TAF3: variants seen among roughly 807,000 people sequenced by gnomAD.
TAF3 encodes transcription initiation factor TFIID subunit 3.
Under a neutral mutation model 80.6 loss-of-function variants are expected in TAF3, and 7 were observed. The observed-to-expected ratio is 0.09, with a 90% CI of 0.05 to 0.16. The LOEUF (loss-of-function observed/expected upper bound fraction) is 0.16, where lower values mean the gene tolerates loss of function less well. TAF3 is among the 10% of genes least tolerant of loss of function. The pLI, the probability that TAF3 is intolerant of heterozygous loss-of-function variation, is 1.00. For missense variants in TAF3, 921 were observed against 1,140.2 expected (o/e 0.81, Z 2.77); for synonymous variants, 444 against 446.1 (o/e 1.00, Z 0.06).
In TAF3 at chr10:7,964,821, C is replaced by T; in HGVS notation, c.1311C>T (p.Ser437=). ...SGPECTTPKA[S]TSANNFTKSG... Reference sequence around the variant, plus strand: ...CGGAGTGTACTACTCCCAAAGCTTCCACTTCCGCGAACAATTTCACAAAGT... The same window carrying T: ...CGGAGTGTACTACTCCCAAAGCTTCTACTTCCGCGAACAATTTCACAAAGT... The change falls in exon 3 of 7, where the codon TCC becomes TCT. Residue 437 remains serine (S), a synonymous_variant. Transcript: ENST00000344293. This position sits in a 1 kb window ranked among gnomAD's most constrained non-coding sequence, Gnocchi z 4.1. The T allele has an allele frequency of 6.2e-7, 1 of 1,614,172 alleles. No homozygotes were observed. Among genetic ancestry groups the T allele is most frequent in the Non-Finnish European group, 8.5e-7 (1 of 1,180,038 alleles).
intron 2 of TAF3, among the ~76,000 whole-genome samples, chr10:7,856,681 G>A (rs529023746): frequency 3.9e-5 from 6 of 152,034 alleles, no homozygotes; most frequent in Admixed American, 1.3e-4. Flanking sequence ...GGGCTCCTTC[G>A]AAAAATGGCT....
chr10:7,874,133 C>T (rs1352118249), intron 2 of TAF3, among the ~76,000 whole-genome samples: 3 of 152,032 alleles, frequency 2.0e-5, no homozygotes, highest in African/African-American at 7.2e-5. Flanking sequence ...TAAAATATAC[C>T]TCTTATTGTT....
At chr10:7,946,678 G>C (rs1031565806) in intron 2 of TAF3, among the ~76,000 whole-genome samples, 2 of 151,484 alleles carry the variant, frequency 1.3e-5, no homozygotes, top group African/African-American at 4.8e-5. Flanking sequence ...AGCCATGATT[G>C]TGCCACTGCA....
intron 4 of TAF3, among the ~76,000 whole-genome samples, chr10:7,998,252 TA>T (rs1239057517): frequency 9.5e-5 from 10 of 105,632 alleles, no homozygotes; most frequent in African/African-American, 3.1e-4. Flanking sequence ...TATATATATA[TA>T]TATATATATA....
At chr10:7,980,430 C>A (rs1831715838) in intron 4 of TAF3, among the ~76,000 whole-genome samples, 1 of 152,048 alleles carries the variant, frequency 6.6e-6, no homozygotes, top group African/African-American at 2.4e-5. Flanking sequence ...ACTTGTTTTT[C>A]CCTTGATTTA....
intron 2 of TAF3, among the ~76,000 whole-genome samples, chr10:7,871,453 T>TTTTTTTTTTTTTTTTTTTTTTTTTTTTTA (rs1837265270): frequency 7.3e-6 from 1 of 136,088 alleles, no homozygotes. Context: ...TTTTTTTTTT[T>TTTTTTTTTTTTTTTTTTTTTTTTTTTTTA]TTTTTTTGAG....
intron 4 of TAF3, among the ~76,000 whole-genome samples, chr10:7,994,977 G>GAAAAAAAAAAAAAAAAAA (rs71287400): frequency 1.0e-5 from 1 of 97,660 alleles, no homozygotes. Flanking sequence ...CTCAAAAAAA[G>GAAAAAAAAAAAAAAAAAA]AAAAAAAAAA....
chr10:7,983,641 A>C (rs1441758798), intron 4 of TAF3, among the ~76,000 whole-genome samples: 2 of 152,222 alleles, frequency 1.3e-5, no homozygotes, highest in African/African-American at 2.4e-5. Context: ...TTGCTACAGA[A>C]ACTGAAACAT....
At chr10:7,976,362 T>A (rs1025503646) in intron 3 of TAF3, among the ~76,000 whole-genome samples, 4 of 151,098 alleles carry the variant, frequency 2.6e-5, no homozygotes, top group Non-Finnish European at 4.4e-5. Flanking sequence ...TTCTCCTGCC[T>A]CAGCCTCTTG....
chr10:7,949,874 A>G (rs1443575401), intron 2 of TAF3, among the ~76,000 whole-genome samples: 1 of 152,250 alleles, frequency 6.6e-6, no homozygotes, highest in African/African-American at 2.4e-5. Context: ...AAGTTCACCC[A>G]TCGGCAGGCA....
chr10:7,918,371 G>A (rs1458743228), intron 2 of TAF3, among the ~76,000 whole-genome samples: 1 of 152,134 alleles, frequency 6.6e-6, no homozygotes, highest in Admixed American at 6.5e-5. Context: ...AGGGTCCAAT[G>A]CAGTGCCACA....
At position 7,965,210 on chromosome 10, in the gene TAF3, A is replaced by T. The variant is rs1427889796; in HGVS notation, c.1700A>T (p.Glu567Val). The stretch of plus-strand genomic sequence containing the variant: ...GTGAAAGAGAAAGAGAAAGACAAGG[A>T]AACTGGCAGGGAAACAAAGTATCCC... Reference protein sequence around the residue: ...DKVKEKEKDKETGRETKYPWK... With the variant: ...DKVKEKEKDKVTGRETKYPWK... Residue 567 changes from glutamate (E) to valine (V), a missense_variant, in exon 3 of 7, where the codon GAA (glutamate) becomes GTA (valine). Around this residue, in one of 6 missense-constraint regions of TAF3, gnomAD observed 743 missense variants for 821.0 expected, o/e 0.90. Coordinates refer to ENST00000344293, the MANE Select transcript of TAF3 (RefSeq NM_031923.4). The T allele has an allele frequency of 3.1e-6, 5 of 1,606,834 alleles. No homozygotes were observed. Among genetic ancestry groups the T allele is most frequent in the Non-Finnish European group, 4.2e-6 (5 of 1,178,284 alleles).
At chr10:7,912,465 C>CT (rs974071104) in intron 2 of TAF3, among the ~76,000 whole-genome samples, 20 of 149,842 alleles carry the variant, frequency 1.3e-4, no homozygotes, top group East Asian at 9.7e-4. Flanking sequence ...ATTTAGGATA[C>CT]TTTTTTTTTT....
chr10:7,954,300 A>G lies in TAF3; in HGVS notation c.410-9620A>G, dbSNP rs572851083. ...AGTTAACACAGAGCTCTCCCTAGTG[A>G]GATTCAGAGTGCACTCCATAGGCGA... On this transcript the variant is annotated intron_variant, in intron 2 of 6. Transcript: ENST00000344293. Among the ~76,000 whole-genome samples, 45 of 139,214 alleles carry G rather than the reference A, an allele frequency of 3.2e-4. 8 individuals are homozygous for G. Among genetic ancestry groups the G allele is most frequent in the Non-Finnish European group, 6.3e-5 (4 of 63,554 alleles). The allele number at this position is 139,214 out of a possible 152,430, so 91.3% of individuals were successfully genotyped here. A position where few individuals can be genotyped will look rare whatever the true frequency, so the allele number is the denominator to read the frequency against.
chr10:7,978,802 G>C (rs192096790), intron 4 of TAF3, among the ~76,000 whole-genome samples: 1 of 152,326 alleles, frequency 6.6e-6, no homozygotes, highest in East Asian at 1.9e-4. Flanking sequence ...CCATGTCTCA[G>C]TAACTCACCA....
intron 4 of TAF3, among the ~76,000 whole-genome samples, chr10:8,000,393 A>G (rs1249948229): frequency 6.6e-6 from 1 of 152,112 alleles, no homozygotes; most frequent in East Asian, 1.9e-4. Flanking sequence ...CTGGGATTAC[A>G]AGTGTGAGCC....
rs139579664 is a variant in TAF3 at position 7,925,605 on chromosome 10, A to G, written c.410-38315A>G. Among the ~76,000 whole-genome samples the G allele has an allele frequency of 3.7e-3, 566 of 151,872 alleles. 4 individuals carry two copies. The highest frequency in any genetic ancestry group is 0.02 in the South Asian group (97 of 4,804). On this transcript the variant is annotated intron_variant, in intron 2 of 6. Coordinates refer to ENST00000344293, the MANE Select transcript of TAF3 (RefSeq NM_031923.4). ...GATCACTTGAGGTCAGGAGCTCGAG[A>G]CCAGCCTGGCCAACATGGTGAAACC...
At chr10:7,974,904 T>C (rs1831656064) in intron 3 of TAF3, among the ~76,000 whole-genome samples, 1 of 151,596 alleles carries the variant, frequency 6.6e-6, no homozygotes, top group African/African-American at 2.4e-5. Flanking sequence ...TGAAACCCCG[T>C]CTCTACTAAA....
At chr10:7,922,615 G>A (rs1416751116) in intron 2 of TAF3, among the ~76,000 whole-genome samples, 1 of 152,032 alleles carries the variant, frequency 6.6e-6, no homozygotes, top group African/African-American at 2.4e-5. Flanking sequence ...AGACTTGATT[G>A]TTGACTCTGT....
Sources: gnomAD v4.1 joint callset for allele counts (sites outside exome capture counted in the v4.1 genomes callset) on GRCh38, gnomAD v4.1.1 for gene constraint, gnomAD v4.1.1 regional missense constraint, Gnocchi (gnomAD v3.1) non-coding constraint, MANE v1.5 for transcripts, NCBI Gene and HGNC (gene_info 2026-07-23, HGNC 2026-07-21) for gene names.